The following NTRK3 variants were observed in gnomAD, a reference collection of about 807,000 sequenced individuals.
NTRK3 encodes the protein neurotrophic receptor tyrosine kinase 3, also known as NT-3 growth factor receptor.
Under a neutral mutation model 91.7 loss-of-function variants are expected in NTRK3, and 24 were observed. The ratio of observed to expected loss-of-function variants is 0.26; its 90% CI spans 0.19 to 0.37. The LOEUF is 0.37. Ranked by LOEUF, NTRK3 falls within the 10% of genes least tolerant of loss-of-function variation. NTRK3 has a pLI of 1.00. For synonymous variants in NTRK3, 483 were observed against 404.0 expected, an observed-to-expected ratio of 1.20 and a Z score of -2.34; for missense variants, 880 against 1,068.9, an observed-to-expected ratio of 0.82 and a Z score of 2.46.
intron 5 of NTRK3, among the ~76,000 whole-genome samples, chr15:88,160,263 C>T (rs1356127368): frequency 6.6e-6 from 1 of 152,138 alleles, no homozygotes; most frequent in African/African-American, 2.4e-5. Context: ...TAGCAACAGG[C>T]CAGCCAGAGC....
intron 13 of NTRK3, among the ~76,000 whole-genome samples, chr15:88,101,185 C>A (rs1458788365): frequency 3.3e-5 from 5 of 152,164 alleles, no homozygotes; most frequent in Non-Finnish European, 5.9e-5. Flanking sequence ...AAACAAACAA[C>A]CCCATCAAAA....
exon 19 of NTRK3, chr15:87,871,150 C>T: frequency 4.3e-6 from 1 of 231,360 alleles, no homozygotes. Flanking sequence ...CACCCCAATC[C>T]AACCTCCACA....
intron 13 of NTRK3, among the ~76,000 whole-genome samples, chr15:88,124,539 G>T (rs1039180526): frequency 2.0e-5 from 3 of 152,188 alleles, no homozygotes; most frequent in Admixed American, 2.0e-4. Flanking sequence ...TTTGGTCAAG[G>T]CCCTGATGTT....
At chr15:88,218,482 C>T (rs1313480048) in intron 3 of NTRK3, among the ~76,000 whole-genome samples, 1 of 152,184 alleles carries the variant, frequency 6.6e-6, no homozygotes, top group Admixed American at 6.5e-5. Flanking sequence ...GATAATAATG[C>T]TCATCAACTA....
Position 88,227,356 on chromosome 15 carries a change from A to T in NTRK3, c.248+28550T>A, listed in dbSNP as rs936968048. Among the ~76,000 whole-genome samples the T allele has an allele frequency of 7.9e-5, 12 of 152,266 alleles. No individual in the cohort carries two copies. The South Asian group carries it at 1.9e-3, about 24-fold the overall frequency. On this transcript the variant is annotated intron_variant, in intron 3 of 18. Coordinates refer to ENST00000394480, the Ensembl canonical transcript of NTRK3. ...TTCATTTGTTGAAGTCCTAGCCCCT[A>T]CCTAGAGCCTCGGTGTGTGACTGTA...
intron 3 of NTRK3, among the ~76,000 whole-genome samples, chr15:88,196,860 T>A (rs2047867438): frequency 6.6e-6 from 1 of 152,130 alleles, no homozygotes; most frequent in Non-Finnish European, 1.5e-5. Flanking sequence ...CTGTCTCCTG[T>A]CCTGAAGTTC....
chr15:87,894,982 T>C (rs1408017880), intron 17 of NTRK3, among the ~76,000 whole-genome samples: 3 of 152,206 alleles, frequency 2.0e-5, no homozygotes, highest in Non-Finnish European at 1.5e-5. Flanking sequence ...AGATATCATC[T>C]GGATTCCTGG....
chr15:88,091,284 G>A (rs2048991546), intron 13 of NTRK3, among the ~76,000 whole-genome samples: 1 of 152,226 alleles, frequency 6.6e-6, no homozygotes, highest in Non-Finnish European at 1.5e-5. Flanking sequence ...GCTGGGGAAG[G>A]AATTAGCAGG....
intron 14 of NTRK3, among the ~76,000 whole-genome samples, chr15:87,990,102 A>C (rs2075170037): frequency 6.6e-6 from 1 of 152,134 alleles, no homozygotes; most frequent in African/African-American, 2.4e-5. Context: ...TCCTCCTACA[A>C]GGGTAATACT....
Position 88,136,911 on chromosome 15 carries a change from C to T in NTRK3, c.623-302G>A, listed in dbSNP as rs139761936. 5.3e-5 allele frequency among the ~76,000 whole-genome samples: 8 copies of T among 152,328 alleles called. No individual in the cohort carries two copies. The East Asian group carries it at 1.4e-3, about 26-fold the overall frequency. ...AATTAAGCTCAATGGCATCATTACA[C>T]TTTGGGCTCTGGTTATCTGAATAGT... On this transcript the variant is annotated intron_variant, in intron 7 of 18. Transcript: ENST00000394480.
chr15:88,150,487 A>C (rs2043270366), intron 5 of NTRK3, among the ~76,000 whole-genome samples: 2 of 151,742 alleles, frequency 1.3e-5, no homozygotes, highest in African/African-American at 2.4e-5. Context: ...GTGGGCTCCT[A>C]CTCTCCCAGG....
intron 14 of NTRK3, among the ~76,000 whole-genome samples, chr15:87,983,982 C>T (rs530775821): frequency 1.3e-5 from 2 of 152,262 alleles, no homozygotes; most frequent in African/African-American, 4.8e-5. Flanking sequence ...AATGACACTT[C>T]GCATGCACTG....
chr15:88,122,400 CAG>C (rs2052814796), intron 13 of NTRK3, among the ~76,000 whole-genome samples: 1 of 152,040 alleles, frequency 6.6e-6, no homozygotes, highest in African/African-American at 2.4e-5. Flanking sequence ...CACACAGAGA[CAG>C]AGATACAGGG....
chr15:88,105,598 G>T (rs371413598), intron 13 of NTRK3, among the ~76,000 whole-genome samples: 1 of 152,070 alleles, frequency 6.6e-6, no homozygotes, highest in African/African-American at 2.4e-5. Flanking sequence ...TACCAGCAGG[G>T]CTATATCTTT....
chr15:88,170,089 G>A (rs948803552), intron 5 of NTRK3, among the ~76,000 whole-genome samples: 9 of 152,130 alleles, frequency 5.9e-5, no homozygotes, highest in African/African-American at 1.9e-4. Flanking sequence ...ATTCTCCTGA[G>A]GCAGAGAAGG....
exon 19 of NTRK3, chr15:87,869,172 A>G (rs1406608292): frequency 4.4e-6 from 1 of 228,818 alleles, no homozygotes; most frequent in Non-Finnish European, 8.7e-6. Flanking sequence ...GCTCAGCATC[A>G]TGGTCAGAGA....
At chr15:88,152,872 A>T (rs1254305427) in intron 5 of NTRK3, among the ~76,000 whole-genome samples, 1 of 152,186 alleles carries the variant, frequency 6.6e-6, no homozygotes, top group Non-Finnish European at 1.5e-5. Context: ...CCCTGGGTGT[A>T]CTCCAGCCTC....
At chr15:87,925,152 G>A (rs989574502) in intron 17 of NTRK3, among the ~76,000 whole-genome samples, 11 of 152,168 alleles carry the variant, frequency 7.2e-5, no homozygotes, top group African/African-American at 2.7e-4. Context: ...ATTCACAGAA[G>A]GAAAAGGTGT....
intron 3 of NTRK3, among the ~76,000 whole-genome samples, chr15:88,185,983 G>C (rs141310672): frequency 6.6e-6 from 1 of 152,306 alleles, no homozygotes; most frequent in Non-Finnish European, 1.5e-5. Context: ...CAATGCCAAA[G>C]TTCTCCCTGG....
Sources: allele counts gnomAD v4.1 joint callset (sites outside exome capture counted in the v4.1 genomes callset), GRCh38; gene constraint gnomAD v4.1.1; transcripts MANE v1.5; gene names NCBI Gene and HGNC (gene_info 2026-07-23, HGNC 2026-07-21).